The following PGM2L1 variants were observed in gnomAD, a reference collection of about 807,000 sequenced individuals.
PGM2L1 encodes the protein phosphoglucomutase 2 like 1.
In PGM2L1, 35 loss-of-function variants were observed where a neutral mutation model predicts 73.4. The observed-to-expected ratio is 0.48, with a 90% CI of 0.36 to 0.63. The LOEUF (loss-of-function observed/expected upper bound fraction) is 0.63. PGM2L1 is among the 30% of genes least tolerant of loss of function. The pLI is 0.00. For missense variants in PGM2L1, 570 were observed against 742.0 expected (o/e 0.77, Z 2.69); for synonymous variants, 225 against 253.8 (o/e 0.89, Z 1.08).
chr11:74,380,703 C>T (rs1468606536), intron 1 of PGM2L1, among the ~76,000 whole-genome samples: 1 of 151,948 alleles, frequency 6.6e-6, no homozygotes. Flanking sequence ...TTTAACAAAG[C>T]ACATACATTG....
At chr11:74,343,179 A>G (rs1215732847) in intron 10 of PGM2L1, 144 bp downstream of exon 10, 1 of 1,305,874 alleles carries the variant, frequency 7.7e-7, no homozygotes, top group East Asian at 2.6e-5. Flanking sequence ...TTTTTTTCTG[A>G]TAAGAAATGT....
intron 5 of PGM2L1, among the ~76,000 whole-genome samples, chr11:74,367,480 A>AT (rs1862678813): frequency 6.6e-6 from 1 of 152,214 alleles, no homozygotes. Context: ...TTCAACCTCT[A>AT]TTTTAGACAT....
intron 5 of PGM2L1, among the ~76,000 whole-genome samples, chr11:74,363,633 A>G (rs999446805): frequency 1.2e-4 from 18 of 152,240 alleles, no homozygotes; most frequent in Non-Finnish European, 2.6e-4. Flanking sequence ...AAATTCCTGG[A>G]CACATACACC....
chr11:74,382,207 C>A (rs1862958081), intron 1 of PGM2L1, among the ~76,000 whole-genome samples: 1 of 152,194 alleles, frequency 6.6e-6, no homozygotes, highest in African/African-American at 2.4e-5. Flanking sequence ...TTATCTTTCA[C>A]AGTTTCTATG....
intron 5 of PGM2L1, among the ~76,000 whole-genome samples, chr11:74,360,014 G>A (rs1395774224): frequency 6.6e-6 from 1 of 152,032 alleles, no homozygotes; most frequent in African/African-American, 2.4e-5. Flanking sequence ...AAATAAATAA[G>A]ATAACTCATC....
chr11:74,386,596 C>A (rs1298783396), intron 1 of PGM2L1, among the ~76,000 whole-genome samples: 1 of 152,064 alleles, frequency 6.6e-6, no homozygotes, highest in Non-Finnish European at 1.5e-5. Flanking sequence ...CCACCTAAGC[C>A]TCCCAAGTAG....
intron 12 of PGM2L1, among the ~76,000 whole-genome samples, chr11:74,341,216 A>G (rs143688418): frequency 6.6e-6 from 1 of 152,336 alleles, no homozygotes; most frequent in Non-Finnish European, 1.5e-5. Flanking sequence ...ATAAGTTAGC[A>G]GACTGAAAAA....
intron 3 of PGM2L1, among the ~76,000 whole-genome samples, chr11:74,371,256 A>C (rs190616794): frequency 3.3e-5 from 5 of 152,308 alleles, no homozygotes; most frequent in Non-Finnish European, 5.9e-5. Flanking sequence ...TCTTTTACTA[A>C]GAAATAAAAT....
intron 13 of PGM2L1, 127 bp downstream of exon 13, chr11:74,338,341 T>C (rs892129168): frequency 5.9e-6 from 5 of 848,806 alleles, no homozygotes; most frequent in Non-Finnish European, 6.5e-6. Context: ...ATTACAGTGA[T>C]GGATGCACAA....
At chr11:74,397,747 T>TTTTC (rs1475472916) in intron 1 of PGM2L1, 2 of 226,422 alleles carry the variant, frequency 8.8e-6, no homozygotes, top group Non-Finnish European at 1.7e-5. Context: ...TGATGATGAT[T>TTTTC]TTTTTTTTTT....
chr11:74,398,173 A>T lies in PGM2L1; in HGVS notation c.-12T>A, dbSNP rs1591198263. ...GTGTTTTCAGCCATGGCGACCAGAC[A>T]GGCGTACGGGCCGGGGGCCGGCGAA... On this transcript the variant is annotated 5_prime_UTR_variant, in exon 1 of 14. Coordinates refer to ENST00000298198, the MANE Select transcript of PGM2L1 (RefSeq NM_173582.6). The T allele has an allele frequency of 6.2e-7, 1 of 1,603,196 alleles. No homozygotes were observed. The highest frequency in any genetic ancestry group is 8.5e-7 in the Non-Finnish European group (1 of 1,174,016).
intron 1 of PGM2L1, among the ~76,000 whole-genome samples, chr11:74,392,344 T>C (rs1159286577): frequency 6.6e-6 from 1 of 151,738 alleles, no homozygotes; most frequent in African/African-American, 2.4e-5. Flanking sequence ...TTTGGAAGTA[T>C]AAAGAAAAAA....
intron 12 of PGM2L1, among the ~76,000 whole-genome samples, chr11:74,340,382 C>A (rs1315325895): frequency 6.6e-6 from 1 of 152,188 alleles, no homozygotes; most frequent in African/African-American, 2.4e-5. Flanking sequence ...TGATTCTTCT[C>A]TTCCAGCAAT....
chr11:74,396,088 A>C (rs1277881337), intron 1 of PGM2L1, among the ~76,000 whole-genome samples: 2 of 149,064 alleles, frequency 1.3e-5, no homozygotes, highest in Non-Finnish European at 3.0e-5. Context: ...CCCATTTCTA[A>C]AAAAAAAAAA....
chr11:74,370,697 A>T (rs1036717361), intron 4 of PGM2L1, among the ~76,000 whole-genome samples: 4 of 152,240 alleles, frequency 2.6e-5, no homozygotes, highest in African/African-American at 9.6e-5. Context: ...TAGACTTGTC[A>T]ACTTTTATAG....
rs2134883462 is a variant in PGM2L1, at chr11:74,342,385, G to A, written c.1632+76C>T. ...CTGGATTGAATCTCATGTGAAATCTGTCCTGCCTCTGGACTTTTTGGTGAC... is the reference window on the plus strand; with the variant it reads ...CTGGATTGAATCTCATGTGAAATCTATCCTGCCTCTGGACTTTTTGGTGAC... On this transcript the variant is annotated intron_variant, in intron 12 of 13. Transcript: ENST00000298198. The A allele has an allele frequency of 3.5e-6, 4 of 1,157,786 alleles. No homozygotes were observed. The South Asian group carries it at 8.0e-5, about 23-fold the overall frequency. 71.7% of individuals were successfully genotyped at this position (1,157,786 alleles called of 1,614,324 possible).
At position 74,335,888 on chromosome 11, in the gene PGM2L1, A is replaced by G. The variant is rs1335593560; in HGVS notation, c.*764T>C. On this transcript the variant is annotated 3_prime_UTR_variant, in exon 14 of 14. Transcript: ENST00000298198. ...TCCTTAGCTATCTGCAAATTGACTGATTAAATTATGGTAAATGCAGGAACA... is the reference window on the plus strand; with the variant it reads ...TCCTTAGCTATCTGCAAATTGACTGGTTAAATTATGGTAAATGCAGGAACA... The G allele has an allele frequency of 6.5e-6, 1 of 152,678 alleles. No homozygotes were observed. The highest frequency in any genetic ancestry group is 1.5e-5 in the Non-Finnish European group (1 of 68,044). The allele number at this position is 152,678 out of a possible 1,614,324, so 9.5% of individuals were successfully genotyped here. A position where few individuals can be genotyped will look rare whatever the true frequency, so the allele number is the denominator to read the frequency against.
Position 74,365,942 on chromosome 11 carries a change from G to A in PGM2L1, c.555+2550C>T, listed in dbSNP as rs1862648993. 2.0e-5 allele frequency among the ~76,000 whole-genome samples: 3 copies of A among 152,166 alleles called. No homozygotes were observed. The South Asian group carries it at 6.2e-4, about 32-fold the overall frequency. On this transcript the variant is annotated intron_variant, in intron 5 of 13. Transcript: ENST00000298198. ...GTTTATTGCGGCACTATTCACAATAGCAAAGACTTGGAACCAAGCCAAATG... is the reference window on the plus strand; with the variant it reads ...GTTTATTGCGGCACTATTCACAATAACAAAGACTTGGAACCAAGCCAAATG...
intron 13 of PGM2L1, 72 bp from the exon 14 acceptor site, chr11:74,336,826 T>C: frequency 9.6e-7 from 1 of 1,036,400 alleles, no homozygotes. Context: ...TTAGTGTGAT[T>C]TTTTAAGAGG....
Sources: gnomAD v4.1 joint callset for allele counts (sites outside exome capture counted in the v4.1 genomes callset) on GRCh38, gnomAD v4.1.1 for gene constraint, MANE v1.5 for transcripts, NCBI Gene and HGNC (gene_info 2026-07-23, HGNC 2026-07-21) for gene names.